CORO1B: variants seen among roughly 807,000 people sequenced by gnomAD.
CORO1B encodes the protein coronin 1B, also known as coronin-1B.
CORO1B carries 30 observed loss-of-function variants against 51.1 expected under a neutral mutation model. That is an observed-to-expected ratio of 0.59 (90% CI 0.44 to 0.80). The LOEUF is 0.80. Ranked by LOEUF, CORO1B falls within the 30% of genes least tolerant of loss-of-function variation. The pLI, the probability that CORO1B is intolerant of heterozygous loss-of-function variation, is 0.00. For missense variants in CORO1B, 648 were observed against 700.4 expected (o/e 0.93, Z 0.84); for synonymous variants, 310 against 289.7 (o/e 1.07, Z -0.71).
chr11:67,441,520 A>C lies in CORO1B; in HGVS notation c.455-6T>G, dbSNP rs2135146403. The C allele has an allele frequency of 6.2e-7, 1 of 1,609,966 alleles. No homozygotes were observed. ...GAGTACCACGTTGTCGCAGCCTGGC[A>C]GGTGAGGGTTGTCAGCTCGGGCCGG... On this transcript the variant is annotated splice_polypyrimidine_tract_variant and splice_region_variant and intron_variant, in intron 4 of 10. Coordinates refer to ENST00000341356, the MANE Select transcript of CORO1B (RefSeq NM_020441.3).
Position 67,435,741 on chromosome 11 carries a change from C to G in CORO1B, c.*2635G>C. ...GACACCAAGACCGGCCTCTACAGTG[C>G]GGTGACATGGAGGCCCTGGCCCCCA... On this transcript the variant is annotated 3_prime_UTR_variant, in exon 11 of 11. Coordinates refer to ENST00000341356, the MANE Select transcript of CORO1B (RefSeq NM_020441.3). 1 of 1,536,894 alleles carries G rather than the reference C, an allele frequency of 6.5e-7. No individual in the cohort carries two copies. The highest frequency in any genetic ancestry group is 8.7e-7 in the Non-Finnish European group (1 of 1,143,396).
rs1864371763 is a variant in CORO1B, at chr11:67,440,382, G to A, written c.814C>T (p.Leu272=). 1.9e-6 allele frequency: 3 copies of A among 1,613,788 alleles called. No individual in the cohort carries two copies. In the African/African-American group the frequency reaches 4.0e-5, roughly 22 times the overall value. Residue 272 remains leucine (L), a synonymous_variant, in exon 7 of 11, where the codon CTG becomes TTG. Transcript: ENST00000341356. ...CTGGTGTCGGGGTCGTAGAAGGGCA[G>A]CAGGGCCCCGTTGCTCGAGTCCAGT... ...QELDSSNGAL[L]PFYDPDTSVV...
chr11:67,443,319 T>TCCG, intron 1 of CORO1B, 85 bp downstream of exon 1: 1 of 231,738 alleles, frequency 4.3e-6, no homozygotes, highest in Non-Finnish European at 7.1e-6. Flanking sequence ...GGACCCGCGA[T>TCCG]CCCCCCTCAG....
chr11:67,441,338 C>A lies in CORO1B; in HGVS notation c.631G>T (p.Val211Leu). ...RIIDPRRGTL[V>L]AEREKAHEGA... ...TGCCCTCCAGAGCCACGTACTGCCACCAGGGTGCCCCGACGGGGGTCGATG... is the reference window on the plus strand; with the variant it reads ...TGCCCTCCAGAGCCACGTACTGCCAACAGGGTGCCCCGACGGGGGTCGATG... Residue 211 changes from valine (V) to leucine (L), a missense_variant, in exon 5 of 11, where the codon GTG becomes TTG. Physicochemically the swap from Val to Leu is conservative, Grantham distance 32. Transcript: ENST00000341356. 1 of 1,613,568 alleles carries A rather than the reference C, an allele frequency of 6.2e-7. No individual in the cohort carries two copies. The highest frequency in any genetic ancestry group is 8.5e-7 in the Non-Finnish European group (1 of 1,179,996).
At position 67,443,430 on chromosome 11, in the gene CORO1B, G is replaced by GCGGCACCGGCTTCGGGCGGCTC; in HGVS notation, c.-51_-30dup. 2.0e-6 allele frequency: 2 copies of GCGGCACCGGCTTCGGGCGGCTC among 985,380 alleles called. No homozygotes were observed. The highest frequency in any genetic ancestry group is 2.4e-6 in the Non-Finnish European group (2 of 829,306). 61.0% of individuals were successfully genotyped at this position (985,380 alleles called of 1,614,324 possible). A position where few individuals can be genotyped will look rare whatever the true frequency, so the allele number is the denominator to read the frequency against. ...GGGGGCACCGGGGGCGCAGGGGGCT[G>GCGGCACCGGCTTCGGGCGGCTC]CGGCACCGGCTTCGGGCGGCTCCGG... On this transcript the variant is annotated 5_prime_UTR_variant, in exon 1 of 11. Transcript: ENST00000341356.
In CORO1B at chr11:67,436,645, A is replaced by C. The variant is rs1590983061; in HGVS notation, c.*1731T>G. 2.2e-5 allele frequency: 7 copies of C among 323,054 alleles called. No homozygotes were observed. Among genetic ancestry groups the C allele is most frequent in the Non-Finnish European group, 4.0e-5 (7 of 176,694 alleles). The allele number at this position is 323,054 out of a possible 1,614,324, so 20.0% of individuals were successfully genotyped here. On this transcript the variant is annotated 3_prime_UTR_variant, in exon 11 of 11. Transcript: ENST00000341356. ...TGCCCGGAAAGCTCCACCTCCTCCC[A>C]TCCTCCCCTCCCCCGGGCTGCATGG... is the stretch of plus-strand genomic sequence containing the variant.
chr11:67,438,955 C>G lies in CORO1B; in HGVS notation c.1066-6G>C. ...TCATCCTGGAAGAGGTCCGACTGGGCAGGGGGCCGGGGAGGTCAGGATCAG... is the reference window on the plus strand; with the variant it reads ...TCATCCTGGAAGAGGTCCGACTGGGGAGGGGGCCGGGGAGGTCAGGATCAG... On this transcript the variant is annotated splice_region_variant and splice_polypyrimidine_tract_variant and intron_variant, in intron 9 of 10. Coordinates refer to ENST00000341356, the MANE Select transcript of CORO1B (RefSeq NM_020441.3). The G allele has an allele frequency of 6.3e-7, 1 of 1,596,330 alleles. No individual in the cohort carries two copies. Among genetic ancestry groups the G allele is most frequent in the Non-Finnish European group, 8.5e-7 (1 of 1,169,692 alleles).
intron 6 of CORO1B, 166 bp downstream of exon 6, chr11:67,440,959 C>T (rs887553023): frequency 1.9e-5 from 18 of 954,110 alleles, no homozygotes; most frequent in Admixed American, 2.2e-5. Flanking sequence ...GGCAGTCGGG[C>T]GAGCAGGGGG....
In CORO1B at chr11:67,435,712, A is replaced by G; in HGVS notation, c.*2664T>C. 2 of 1,502,308 alleles carry G rather than the reference A, an allele frequency of 1.3e-6. No homozygotes were observed. The highest frequency in any genetic ancestry group is 4.4e-5 in the Admixed American group (2 of 45,178). 93.1% of individuals were successfully genotyped at this position (1,502,308 alleles called of 1,614,324 possible). On this transcript the variant is annotated 3_prime_UTR_variant, in exon 11 of 11. Transcript: ENST00000341356. ...CGGGGAGTGAGCGGCTGTGACAGGGATGGGACACCAAGACCGGCCTCTACA... is the reference window on the plus strand; with the variant it reads ...CGGGGAGTGAGCGGCTGTGACAGGGGTGGGACACCAAGACCGGCCTCTACA...
chr11:67,441,047 T>A (rs759256677), intron 6 of CORO1B, 78 bp downstream of exon 6: 1 of 1,604,098 alleles, frequency 6.2e-7, no homozygotes, highest in Non-Finnish European at 8.5e-7. Context: ...ACCACAGGCC[T>A]CCCCAGGGTG....
In CORO1B at chr11:67,437,209, G is replaced by GGGCTGGGGGA. The variant is rs1864303928; in HGVS notation, c.*1157_*1166dup. 5.8e-6 allele frequency: 1 copy of GGGCTGGGGGA among 173,154 alleles called. No homozygotes were observed. Among genetic ancestry groups the GGGCTGGGGGA allele is most frequent in the African/African-American group, 2.4e-5 (1 of 42,334 alleles). 10.7% of individuals were successfully genotyped at this position (173,154 alleles called of 1,614,324 possible). A position where few individuals can be genotyped will look rare whatever the true frequency, so the allele number is the denominator to read the frequency against. ...GGCGTGCAGGGCCGGGGGCTGGGGG[G>GGGCTGGGGGA]GGCTGGGGGAGGCGGGCGCAGCTGC... is the stretch of plus-strand genomic sequence containing the variant. On this transcript the variant is annotated 3_prime_UTR_variant, in exon 11 of 11. Coordinates refer to ENST00000341356, the MANE Select transcript of CORO1B (RefSeq NM_020441.3).
intron 1 of CORO1B, 35 bp downstream of exon 1, chr11:67,443,353 CCCCGCCCAGCCCCCAG>C: frequency 8.7e-6 from 4 of 459,622 alleles, no homozygotes; most frequent in Non-Finnish European, 1.1e-5. Flanking sequence ...GCCCCTGCAG[CCCCGCCCAGCCCCCAG>C]CCCGCGCCCC....
intron 6 of CORO1B, 36 bp from the exon 7 acceptor site, chr11:67,440,475 TCCTCA>T (rs760086572): frequency 2.5e-6 from 4 of 1,593,220 alleles, no homozygotes; most frequent in Admixed American, 1.7e-5. Flanking sequence ...AAGCAGAACC[TCCTCA>T]CCCCCTAATC....
In CORO1B at chr11:67,438,827, G is replaced by C. The variant is rs139080371; in HGVS notation, c.1188C>G (p.Tyr396Ter). The change falls in exon 10 of 11, where the codon TAC becomes TAG. Residue 396 changes from tyrosine to a stop codon, truncating the protein, a stop_gained. Coordinates refer to ENST00000341356, the MANE Select transcript of CORO1B (RefSeq NM_020441.3). LOFTEE classifies it high-confidence loss of function. The stretch of plus-strand genomic sequence containing the variant: ...TCAGGTCCCGCTGCTTGCTGGGCAC[G>C]TAGGCCTCCCGCAGTGAGATGAGGA... ...DPILISLREA[Y>*]VPSKQRDLKI... 6.2e-7 allele frequency: 1 copy of C among 1,608,840 alleles called. No homozygotes were observed. Among genetic ancestry groups the C allele is most frequent in the African/African-American group, 1.3e-5 (1 of 74,910 alleles).
intron 8 of CORO1B, 64 bp from the exon 9 acceptor site, chr11:67,439,907 T>G: frequency 1.4e-5 from 19 of 1,349,504 alleles, no homozygotes; most frequent in Non-Finnish European, 1.6e-5. Context: ...CCGCCAGCTC[T>G]CCTGGCATCC....
intron 9 of CORO1B, among the ~76,000 whole-genome samples, chr11:67,439,191 C>T (rs1388440044): frequency 3.9e-5 from 6 of 152,260 alleles, no homozygotes; most frequent in Admixed American, 3.9e-4. Flanking sequence ...CACTATGTGG[C>T]TTTATGGGAT....
chr11:67,443,647 C>A, upstream of CORO1B: 1 of 838,968 alleles, frequency 1.2e-6, no homozygotes, highest in Non-Finnish European at 1.4e-6. Context: ...TTTCCTAGGA[C>A]CCGGTGGAGC....
At chr11:67,440,959 C>G (rs887553023) in intron 6 of CORO1B, 166 bp downstream of exon 6, 4 of 954,110 alleles carry the variant, frequency 4.2e-6, no homozygotes, top group African/African-American at 3.2e-5. Flanking sequence ...GGCAGTCGGG[C>G]GAGCAGGGGG....
chr11:67,443,714 G>A, upstream of CORO1B: 2 of 984,954 alleles, frequency 2.0e-6, no homozygotes, highest in Non-Finnish European at 1.2e-6. Context: ...GCCGACGGCG[G>A]CCGCCGCAGA....
Sources: allele counts gnomAD v4.1 joint callset (sites outside exome capture counted in the v4.1 genomes callset), GRCh38; gene constraint gnomAD v4.1.1; transcripts MANE v1.5; gene names NCBI Gene and HGNC (gene_info 2026-07-23, HGNC 2026-07-21).